Variants in PCDH7 observed in about 807,000 individuals in gnomAD.
PCDH7 encodes the protein protocadherin-7.
A neutral mutation model predicts 58.9 loss-of-function variants in PCDH7; 17 were observed. That is an observed-to-expected ratio of 0.29 (90% confidence interval 0.20 to 0.43). The LOEUF (loss-of-function observed/expected upper bound fraction) is 0.43. Ranked by LOEUF, PCDH7 falls within the 20% of genes least tolerant of loss-of-function variation. The pLI, the probability that PCDH7 is intolerant of heterozygous loss-of-function variation, is 1.00. For missense variants in PCDH7, 1,274 were observed against 1,441.0 expected (o/e 0.88, Z 1.88); for synonymous variants, 664 against 616.4 (o/e 1.08, Z -1.14).
intron 2 of PCDH7, among the ~76,000 whole-genome samples, chr4:30,929,957 C>A (rs1010804833): frequency 5.3e-5 from 8 of 152,160 alleles, no homozygotes; most frequent in Non-Finnish European, 1.2e-4. Context: ...TATAAGAATC[C>A]ATTGAGTAAA....
chr4:30,981,964 G>A (rs1484490740), intron 3 of PCDH7, among the ~76,000 whole-genome samples: 1 of 152,128 alleles, frequency 6.6e-6, no homozygotes, highest in Non-Finnish European at 1.5e-5. Context: ...TAAACAGACA[G>A]GAGGAATAAG....
intron 1 of PCDH7, among the ~76,000 whole-genome samples, chr4:30,865,330 C>A (rs749474064): frequency 6.6e-5 from 10 of 151,734 alleles, no homozygotes; most frequent in Non-Finnish European, 1.3e-4. Flanking sequence ...GGAGAGTGAT[C>A]GATATTTATA....
Position 30,924,648 on chromosome 4 carries a change from A to C in PCDH7, c.287+4279A>C, listed in dbSNP as rs1169545427. 2.6e-5 allele frequency among the ~76,000 whole-genome samples: 4 copies of C among 152,164 alleles called. No individual in the cohort carries two copies. In the South Asian group the frequency reaches 6.2e-4, roughly 24 times the overall value. On this transcript the variant is annotated intron_variant, in intron 2 of 3. Coordinates refer to the PCDH7 transcript ENST00000509759. ...ACCATAGTAGGCCAGTGTGGGAGAC[A>C]GCTGTGGAGCCTCCTTCAGATCCCA...
chr4:30,974,011 T>C (rs891716008), intron 3 of PCDH7, among the ~76,000 whole-genome samples: 4 of 152,040 alleles, frequency 2.6e-5, no homozygotes, highest in Non-Finnish European at 5.9e-5. Context: ...TGTAAATTCA[T>C]GACAGATACC....
chr4:31,089,654 C>A (rs1040100486), intron 3 of PCDH7, among the ~76,000 whole-genome samples: 1 of 151,964 alleles, frequency 6.6e-6, no homozygotes, highest in Non-Finnish European at 1.5e-5. Context: ...GACATATTTA[C>A]GTATGTTTTC....
chr4:31,117,452 TATTA>T (rs1717138493), intron 3 of PCDH7, among the ~76,000 whole-genome samples: 1 of 151,604 alleles, frequency 6.6e-6, no homozygotes, highest in Non-Finnish European at 1.5e-5. Context: ...GAATAAGAAA[TATTA>T]GAATTCAGAG....
intron 3 of PCDH7, among the ~76,000 whole-genome samples, chr4:31,074,647 G>A (rs1758820585): frequency 6.6e-6 from 1 of 151,750 alleles, no homozygotes; most frequent in African/African-American, 2.4e-5. Context: ...AGCCAGGCAT[G>A]GTGGCACATG....
chr4:30,801,282 G>T (rs576368577), intron 1 of PCDH7, among the ~76,000 whole-genome samples: 3 of 152,208 alleles, frequency 2.0e-5, no homozygotes, highest in South Asian at 4.2e-4. Flanking sequence ...TAGGAGGAAA[G>T]AATTAAACAA....
Position 30,721,513 on chromosome 4 carries a change from A to C in PCDH7, c.91A>C (p.Lys31Gln). 1 of 1,600,440 alleles carries C rather than the reference A, an allele frequency of 6.2e-7. No homozygotes were observed. Among genetic ancestry groups the C allele is most frequent in the East Asian group, 2.2e-5 (1 of 44,796 alleles). Residue 31 changes from lysine to glutamine, a missense_variant, in exon 1 of 2, where the codon AAG becomes CAG. Physicochemically the swap from Lys to Gln is moderately conservative, Grantham distance 53 (BLOSUM62 1). Coordinates refer to ENST00000361762, the Ensembl canonical transcript of PCDH7. The surrounding 1 kb of genome is among the most constrained non-coding windows in gnomAD (Gnocchi z 6.7). ...GCTCTCGCTCAGCCTGGCGGCCGCC[A>C]AGCAGCTCCTCCGGTACCGGCTGGC...
intron 3 of PCDH7, among the ~76,000 whole-genome samples, chr4:31,061,753 A>G (rs893068757): frequency 6.6e-6 from 1 of 151,686 alleles, no homozygotes; most frequent in East Asian, 1.9e-4. Context: ...TATTCAAAGT[A>G]TGGAGATTGA....
At chr4:31,065,097 G>A (rs1035892596) in intron 3 of PCDH7, among the ~76,000 whole-genome samples, 1 of 152,018 alleles carries the variant, frequency 6.6e-6, no homozygotes, top group East Asian at 1.9e-4. Flanking sequence ...GCTTTTGTGA[G>A]GAACTAAGAC....
At chr4:31,015,234 A>T (rs1005557726) in intron 3 of PCDH7, among the ~76,000 whole-genome samples, 9 of 152,194 alleles carry the variant, frequency 5.9e-5, no homozygotes, top group Non-Finnish European at 1.2e-4. Flanking sequence ...GAAAATCAGA[A>T]TGCATAAACT....
chr4:31,052,549 T>C (rs1238650635), intron 3 of PCDH7, among the ~76,000 whole-genome samples: 2 of 152,184 alleles, frequency 1.3e-5, no homozygotes, highest in African/African-American at 4.8e-5. Flanking sequence ...GAGTCCCATT[T>C]ACCTAGTCTT....
At chr4:31,123,979 C>A (rs1285282430) in intron 3 of PCDH7, among the ~76,000 whole-genome samples, 1 of 152,182 alleles carries the variant, frequency 6.6e-6, no homozygotes, top group African/African-American at 2.4e-5. Context: ...CCAGATGCTT[C>A]TTCTCTTCTT....
At chr4:30,953,434 G>A (rs1415912264) in intron 3 of PCDH7, among the ~76,000 whole-genome samples, 2 of 151,632 alleles carry the variant, frequency 1.3e-5, no homozygotes, top group South Asian at 2.1e-4. Flanking sequence ...TTAGTATTCT[G>A]GTTATTTTCA....
intron 1 of PCDH7, among the ~76,000 whole-genome samples, chr4:30,774,751 G>C (rs1052935572): frequency 2.6e-5 from 4 of 152,156 alleles, no homozygotes; most frequent in Non-Finnish European, 2.9e-5. Flanking sequence ...TTATGTTCTA[G>C]GGATATATAG....
Position 30,723,374 on chromosome 4 carries a change from A to C in PCDH7, c.1952A>C (p.Asn651Thr), listed in dbSNP as rs1714033682. The change falls in exon 1 of 2, where the codon AAC (asparagine) becomes ACC (threonine). Residue 651 changes from asparagine to threonine, a missense_variant. Asn to Thr is a moderately conservative substitution (Grantham distance 65). Transcript: ENST00000361762. The surrounding 1 kb of genome is among the most constrained non-coding windows in gnomAD (Gnocchi z 4.6). ...GTCTTCACCTTTTATGTGAAAGAAA[A>C]CTTGCAGCCCAACAGCCCTGTGGGG... 6.2e-7 allele frequency: 1 copy of C among 1,614,206 alleles called. No individual in the cohort carries two copies.
chr4:30,998,023 A>G (rs1441416901), intron 3 of PCDH7, among the ~76,000 whole-genome samples: 1 of 152,190 alleles, frequency 6.6e-6, no homozygotes, highest in East Asian at 1.9e-4. Context: ...AAAAGAGGGA[A>G]TCAAAGTAAG....
chr4:30,835,698 C>T (rs544817750), intron 1 of PCDH7, among the ~76,000 whole-genome samples: 8 of 152,128 alleles, frequency 5.3e-5, no homozygotes, highest in Admixed American at 3.9e-4. Context: ...AACTTTGGGC[C>T]GCTCACAGCC....
Sources: gnomAD v4.1 joint callset for allele counts (sites outside exome capture counted in the v4.1 genomes callset) on GRCh38, gnomAD v4.1.1 for gene constraint, Gnocchi (gnomAD v3.1) non-coding constraint, MANE v1.5 for transcripts, NCBI Gene and HGNC (gene_info 2026-07-23, HGNC 2026-07-21) for gene names.